Variants in SCAP observed in about 807,000 individuals in gnomAD.
The protein encoded by SCAP is sterol regulatory element-binding protein cleavage-activating protein.
A neutral mutation model predicts 123.6 loss-of-function variants in SCAP; 65 were observed. The ratio of observed to expected loss-of-function variants is 0.53; its 90% CI spans 0.43 to 0.65. The LOEUF is 0.65. Among genes scored for constraint, SCAP ranks in the 30% least tolerant of loss-of-function variants. The pLI, the probability that SCAP is intolerant of heterozygous loss-of-function variation, is 0.00. For missense variants in SCAP, 1,398 were observed against 1,712.5 expected (o/e 0.82, Z 3.24); for synonymous variants, 740 against 726.3 (o/e 1.02, Z -0.30).
chr3:47,449,087 T>A (rs1028299932), intron 1 of SCAP, among the ~76,000 whole-genome samples: 5 of 152,220 alleles, frequency 3.3e-5, no homozygotes, highest in Admixed American at 2.6e-4. Flanking sequence ...AGTATTATTT[T>A]GATTTTTCCC....
rs533929812 is a variant in SCAP at position 47,416,825 on chromosome 3, A to G, written c.3056+297T>C. ...GTATTTTTAGTAGAGACGGGGTTTC[A>G]CCGTTTTAGCCGGGATGGTCTCGAT... On this transcript the variant is annotated intron_variant, in intron 18 of 22. Coordinates refer to ENST00000265565, the MANE Select transcript of SCAP (RefSeq NM_012235.4). Among the ~76,000 whole-genome samples, 3 of 151,030 alleles carry G rather than the reference A, an allele frequency of 2.0e-5. No individual in the cohort carries two copies. The East Asian group carries it at 5.9e-4, about 29-fold the overall frequency.
chr3:47,426,806 G>C (rs1464400636), intron 6 of SCAP, among the ~76,000 whole-genome samples: 2 of 152,152 alleles, frequency 1.3e-5, no homozygotes, highest in Non-Finnish European at 2.9e-5. Context: ...TGCCAATTGG[G>C]GAGCTGCCTG....
intron 3 of SCAP, 54 bp downstream of exon 3, chr3:47,434,954 G>A: frequency 6.2e-7 from 1 of 1,612,322 alleles, no homozygotes; most frequent in Non-Finnish European, 8.5e-7. Context: ...CCCTGCCTCA[G>A]CCAGTCTCCA....
In SCAP at chr3:47,442,944, T is replaced by C. The variant is rs753499366; in HGVS notation, c.50A>G (p.Asn17Ser). ...ATAGGATGCACAGAGGAGCCCATGGTTGTAGAAGGCCCGAGATATCTTCTC... is the reference window on the plus strand; with the variant it reads ...ATAGGATGCACAGAGGAGCCCATGGCTGTAGAAGGCCCGAGATATCTTCTC... ...LREKISRAFY[N>S]HGLLCASYPI... The change falls in exon 2 of 23, where the codon AAC becomes AGC. Residue 17 changes from asparagine to serine, a missense_variant. By Grantham distance (46) the Asn-to-Ser change is conservative (BLOSUM62 1). Transcript: ENST00000265565. 4 of 1,614,042 alleles carry C rather than the reference T, an allele frequency of 2.5e-6. No individual in the cohort carries two copies. The highest frequency in any genetic ancestry group is 3.4e-6 in the Non-Finnish European group (4 of 1,180,002).
In SCAP at chr3:47,418,798, G is replaced by A. The variant is rs1705763282; in HGVS notation, c.1986C>T (p.Asn662=). Residue 662 remains asparagine (N), a synonymous_variant, in exon 14 of 23, where the codon AAC becomes AAT. Coordinates refer to ENST00000265565, the MANE Select transcript of SCAP (RefSeq NM_012235.4). ...LPVIPVTLRL[N]PREALEGRHP... ...GCCGGCCCTCCAGAGCCTCCCTCGG[G>A]TTCAGGCGGAGCGTGACTGGGATGA... is the stretch of plus-strand genomic sequence containing the variant. 6.4e-7 allele frequency: 1 copy of A among 1,553,846 alleles called. No individual in the cohort carries two copies. The highest frequency in any genetic ancestry group is 8.7e-7 in the Non-Finnish European group (1 of 1,154,340).
In SCAP at chr3:47,418,366, T is replaced by G. The variant is rs771769586; in HGVS notation, c.2286A>C (p.Pro762=). The change falls in exon 15 of 23, where the codon CCA becomes CCC. Residue 762 remains proline (P), a synonymous_variant. Transcript: ENST00000265565. ...CAAGCGGCACGATCTCCGTCTCGGG[T>G]GGCGCATAGCCGTAGTCGTCGCAGG... ...ELPCDDYGYA[P]PETEIVPLVL... 3 of 1,571,686 alleles carry G rather than the reference T, an allele frequency of 1.9e-6. No individual in the cohort carries two copies. Among genetic ancestry groups the G allele is most frequent in the African/African-American group, 2.7e-5 (2 of 73,894 alleles).
At chr3:47,432,829 G>A (rs566144319) in intron 3 of SCAP, among the ~76,000 whole-genome samples, 4 of 152,134 alleles carry the variant, frequency 2.6e-5, no homozygotes, top group East Asian at 1.9e-4. Flanking sequence ...CACTGCACCC[G>A]GCCCTATTGT....
chr3:47,439,575 C>T lies in SCAP; in HGVS notation c.122+3297G>A, dbSNP rs998376237. ...ATGGCATCTGGGTGCTCTTTTTATC[C>T]CATGGCGCACCCACTGCTTACCAGG... On this transcript the variant is annotated intron_variant, in intron 2 of 22. Transcript: ENST00000265565. This position sits in a 1 kb window ranked among gnomAD's most constrained non-coding sequence, Gnocchi z 4.0. Among the ~76,000 whole-genome samples the T allele has an allele frequency of 6.6e-6, 1 of 152,132 alleles. No homozygotes were observed. Among genetic ancestry groups the T allele is most frequent in the Non-Finnish European group, 1.5e-5 (1 of 68,012 alleles).
intron 1 of SCAP, among the ~76,000 whole-genome samples, chr3:47,468,547 C>G (rs1421230662): frequency 1.3e-5 from 2 of 152,116 alleles, no homozygotes; most frequent in Non-Finnish European, 2.9e-5. Context: ...TATGCTTCAC[C>G]CACTTTTTGA....
intron 1 of SCAP, among the ~76,000 whole-genome samples, chr3:47,468,555 T>C (rs1315134854): frequency 6.6e-6 from 1 of 152,250 alleles, no homozygotes; most frequent in African/African-American, 2.4e-5. Context: ...ACCCACTTTT[T>C]GATAGGGTTG....
In SCAP at chr3:47,418,109, A is replaced by T. The variant is rs1336724595; in HGVS notation, c.2447+25T>A. On this transcript the variant is annotated intron_variant, in intron 16 of 22. Coordinates refer to ENST00000265565, the MANE Select transcript of SCAP (RefSeq NM_012235.4). ...GGTGAGGGGGGTTGTGGGGGCACAA[A>T]GGAGGAAAGGGCAGCCGCACCTACC... The T allele has an allele frequency of 5.0e-5, 77 of 1,530,226 alleles. No homozygotes were observed. In the East Asian group the frequency reaches 1.9e-3, roughly 38 times the overall value. The allele number at this position is 1,530,226 out of a possible 1,614,324, so 94.8% of individuals were successfully genotyped here.
At chr3:47,471,814 T>C (rs1260694815) in intron 1 of SCAP, among the ~76,000 whole-genome samples, 2 of 152,178 alleles carry the variant, frequency 1.3e-5, no homozygotes, top group Non-Finnish European at 2.9e-5. Flanking sequence ...AAATTATATA[T>C]GTACTACAGT....
intron 1 of SCAP, among the ~76,000 whole-genome samples, chr3:47,469,058 T>G (rs1301715522): frequency 6.6e-6 from 1 of 152,144 alleles, no homozygotes; most frequent in Non-Finnish European, 1.5e-5. Flanking sequence ...TTAAAAATGG[T>G]TAAAATGGGC....
At chr3:47,421,704 C>T (rs1307909984) in intron 10 of SCAP, among the ~76,000 whole-genome samples, 2 of 152,276 alleles carry the variant, frequency 1.3e-5, no homozygotes, top group Non-Finnish European at 2.9e-5. Context: ...GCAGATACTA[C>T]TGTTTTTCCA....
chr3:47,446,530 A>G (rs1221674074), intron 1 of SCAP, among the ~76,000 whole-genome samples: 1 of 150,754 alleles, frequency 6.6e-6, no homozygotes, highest in African/African-American at 2.4e-5. Context: ...GGGTTTTTGT[A>G]TTTTTTTTCT....
intron 1 of SCAP, chr3:47,469,812 C>CTAT: frequency 1.7e-6 from 1 of 581,328 alleles, no homozygotes; most frequent in East Asian, 4.8e-5. Flanking sequence ...ACTTGCAAGG[C>CTAT]TATTACCCTG....
chr3:47,434,719 C>T, intron 3 of SCAP: 1 of 291,616 alleles, frequency 3.4e-6, no homozygotes, highest in Non-Finnish European at 6.6e-6. Context: ...CACCTACAGT[C>T]CCAGCTAATC....
intron 18 of SCAP, among the ~76,000 whole-genome samples, chr3:47,416,577 G>C (rs147804004): frequency 1.3e-4 from 20 of 148,530 alleles, no homozygotes; most frequent in African/African-American, 5.0e-4. Context: ...AGGTCACCAT[G>C]TGCCATGCCC....
chr3:47,427,246 A>G lies in SCAP; in HGVS notation c.648T>C (p.Val216=). ...GGCTCACCCCGCTGTACTTCCCAGG[A>G]ACACCAAATAACAAGTCTGCAAGCA... is the stretch of plus-strand genomic sequence containing the variant. ...SATLKDLLFG[V]PGKYSGVSLY... Residue 216 remains valine (V), a synonymous_variant, in exon 6 of 23, where the codon GTT becomes GTC. Transcript: ENST00000265565. 3.1e-6 allele frequency: 5 copies of G among 1,613,618 alleles called. No homozygotes were observed. The highest frequency in any genetic ancestry group is 4.2e-6 in the Non-Finnish European group (5 of 1,179,712).
Sources: gnomAD v4.1 joint callset for allele counts (sites outside exome capture counted in the v4.1 genomes callset) on GRCh38, gnomAD v4.1.1 for gene constraint, Gnocchi (gnomAD v3.1) non-coding constraint, MANE v1.5 for transcripts, NCBI Gene and HGNC (gene_info 2026-07-23, HGNC 2026-07-21) for gene names.